The following ZC3H11A variants were observed in gnomAD, a reference collection of about 807,000 sequenced individuals.
ZC3H11A encodes the protein zinc finger CCCH-type containing 11A.
ZC3H11A carries 22 observed loss-of-function variants against 90.8 expected under a neutral mutation model. The observed-to-expected ratio is 0.24, with a 90% confidence interval of 0.17 to 0.35. The LOEUF (loss-of-function observed/expected upper bound fraction) is 0.35. Ranked by LOEUF, ZC3H11A falls within the 10% of genes least tolerant of loss-of-function variation. The pLI, the probability that ZC3H11A is intolerant of heterozygous loss-of-function variation, is 1.00. For synonymous variants in ZC3H11A, 294 were observed against 339.8 expected, an observed-to-expected ratio of 0.87 and a Z score of 1.48; for missense variants, 701 against 964.9, an observed-to-expected ratio of 0.73 and a Z score of 3.62.
chr1:203,825,943 G>A (rs2102958095), intron 4 of ZC3H11A, among the ~76,000 whole-genome samples: 1 of 152,232 alleles, frequency 6.6e-6, no homozygotes, highest in African/African-American at 2.4e-5. Flanking sequence ...TCTAGCAAAT[G>A]TATTAAACAG....
intron 4 of ZC3H11A, 21 bp from the exon 5 acceptor site, chr1:203,828,278 A>G (rs1681214979): frequency 2.5e-6 from 4 of 1,613,828 alleles, no homozygotes; most frequent in African/African-American, 2.7e-5. Flanking sequence ...TTTGAAAGCA[A>G]TGTGTTTTTC....
intron 14 of ZC3H11A, among the ~76,000 whole-genome samples, chr1:203,849,441 G>T (rs191052727): frequency 3.9e-5 from 6 of 152,254 alleles, no homozygotes; most frequent in Non-Finnish European, 7.4e-5. Flanking sequence ...CTTTGTGCAG[G>T]TATTTGATTA....
At chr1:203,835,484 A>G (rs1684011413) in intron 10 of ZC3H11A, 1 of 156,352 alleles carries the variant, frequency 6.4e-6, no homozygotes, top group Non-Finnish European at 1.4e-5. Flanking sequence ...AAATCAAGAA[A>G]CAATAACAGT....
intron 1 of ZC3H11A, 25 bp downstream of exon 1, chr1:203,795,819 C>T (rs1558083333): frequency 6.6e-6 from 1 of 151,994 alleles, no homozygotes; most frequent in South Asian, 2.1e-4. Flanking sequence ...TTTTTTGATT[C>T]CCGGGTGGCT....
At chr1:203,825,548 T>A (rs901766231) in intron 4 of ZC3H11A, among the ~76,000 whole-genome samples, 2 of 151,086 alleles carry the variant, frequency 1.3e-5, no homozygotes, top group Admixed American at 6.6e-5. Flanking sequence ...GATTCTCCTG[T>A]CTCAGCCTCC....
In ZC3H11A at chr1:203,800,620, A is replaced by G; in HGVS notation, c.-1587-955A>G. On this transcript the variant is annotated intron_variant, in intron 1 of 17. Coordinates refer to ENST00000367210, the MANE Select transcript of ZC3H11A (RefSeq NM_001376342.1). ...TCCTCAGAGGCAATATAATTTTGAT[A>G]AAATGAAGATTAAAGATTTCATAGC... 3 of 632,964 alleles carry G rather than the reference A, an allele frequency of 4.7e-6. No homozygotes were observed. The South Asian group carries it at 1.0e-4, about 22-fold the overall frequency. The allele number at this position is 632,964 out of a possible 1,614,324, so 39.2% of individuals were successfully genotyped here.
chr1:203,834,105 A>G (rs1368927902), intron 10 of ZC3H11A: 1 of 1,157,978 alleles, frequency 8.6e-7, no homozygotes, highest in African/African-American at 1.6e-5. Context: ...TAAAAATGGT[A>G]AAGAACACCT....
At chr1:203,796,330 A>G (rs1334624276) in intron 1 of ZC3H11A, 5 of 398,160 alleles carry the variant, frequency 1.3e-5, no homozygotes, top group Non-Finnish European at 1.8e-5. Context: ...AACTCCACAT[A>G]CAGAAAGCCA....
chr1:203,821,017 T>TA (rs369127141), intron 4 of ZC3H11A, among the ~76,000 whole-genome samples: 2 of 152,236 alleles, frequency 1.3e-5, no homozygotes, highest in Admixed American at 6.5e-5. Flanking sequence ...CTTGTGGTGA[T>TA]ACGTTTGGCT....
At chr1:203,797,923 T>C in intron 1 of ZC3H11A, 1 of 1,536,004 alleles carries the variant, frequency 6.5e-7, no homozygotes, top group South Asian at 1.2e-5. Flanking sequence ...AAGACCTCCA[T>C]TGTGTGGCAC....
intron 1 of ZC3H11A, chr1:203,801,057 A>G (rs1026758689): frequency 6.6e-6 from 1 of 152,354 alleles, no homozygotes; most frequent in Middle Eastern, 3.4e-3. Context: ...GGGAAATATT[A>G]GAAAACAATT....
chr1:203,851,422 C>T (rs1159058956), intron 17 of ZC3H11A, among the ~76,000 whole-genome samples: 3 of 152,152 alleles, frequency 2.0e-5, no homozygotes, highest in East Asian at 1.9e-4. Flanking sequence ...CTCCACTTCC[C>T]GGGTTCAAGC....
In ZC3H11A at chr1:203,820,583, T is replaced by C. The variant is rs546163274; in HGVS notation, c.174+1894T>C. ...ACCTCTGCCTCCTGAGTTCATGTGA[T>C]TCTTGTGCCTCAACCTCTCGAGTAG... On this transcript the variant is annotated intron_variant, in intron 4 of 17. Coordinates refer to ENST00000367210, the MANE Select transcript of ZC3H11A (RefSeq NM_001376342.1). 2.6e-5 allele frequency among the ~76,000 whole-genome samples: 4 copies of C among 151,814 alleles called. No homozygotes were observed. In the South Asian group the frequency reaches 8.4e-4, roughly 32 times the overall value.
intron 4 of ZC3H11A, among the ~76,000 whole-genome samples, chr1:203,821,236 G>A (rs1473625984): frequency 3.3e-5 from 5 of 152,022 alleles, no homozygotes; most frequent in Admixed American, 6.6e-5. Context: ...TGTGTCTTGC[G>A]TCCTGTTCAC....
At chr1:203,851,760 C>G (rs185169530) in intron 17 of ZC3H11A, among the ~76,000 whole-genome samples, 21 of 151,920 alleles carry the variant, frequency 1.4e-4, no homozygotes, top group Admixed American at 1.3e-3. Flanking sequence ...CTCAGGAGTT[C>G]AAGACCAGCC....
intron 2 of ZC3H11A, among the ~76,000 whole-genome samples, chr1:203,807,826 C>T (rs902410774): frequency 5.3e-5 from 8 of 152,074 alleles, no homozygotes; most frequent in African/African-American, 1.7e-4. Context: ...ACTGCAGCCT[C>T]GACCTCTTGG....
chr1:203,849,764 T>G lies in ZC3H11A; in HGVS notation c.1677T>G (p.Cys559Trp), dbSNP rs1436852640. ...TCACTAAAATTCAAGTCAAGAGATG[T>G]GAGACCATGAGAGAGAAGCACATGC... ...VDITKIQVKR[C>W]ETMREKHMQK... The change falls in exon 15 of 18, where the codon TGT becomes TGG. Residue 559 changes from cysteine (C) to tryptophan (W), a missense_variant. Around this residue, in one of 4 missense-constraint regions of ZC3H11A, gnomAD observed 530 missense variants for 696.2 expected, o/e 0.76. Coordinates refer to ENST00000367210, the MANE Select transcript of ZC3H11A (RefSeq NM_001376342.1). 27 of 1,613,802 alleles carry G rather than the reference T, an allele frequency of 1.7e-5. No homozygotes were observed. The highest frequency in any genetic ancestry group is 2.3e-5 in the Non-Finnish European group (27 of 1,179,866).
chr1:203,850,003 A>C lies in ZC3H11A; in HGVS notation c.1916A>C (p.Gln639Pro). ...DSLLNVKCAA[Q>P]TLEKRGKAKP... ...TTATTGAATGTGAAATGTGCAGCACAGACCTTGGAAAAAAGGGGTAAAGGC... is the reference window on the plus strand; with the variant it reads ...TTATTGAATGTGAAATGTGCAGCACCGACCTTGGAAAAAAGGGGTAAAGGC... The change falls in exon 15 of 18, where the codon CAG (glutamine) becomes CCG (proline). Residue 639 changes from glutamine to proline, a missense_variant. Around this residue, in one of 4 missense-constraint regions of ZC3H11A, gnomAD observed 530 missense variants for 696.2 expected, o/e 0.76. Coordinates refer to ENST00000367210, the MANE Select transcript of ZC3H11A (RefSeq NM_001376342.1). The C allele has an allele frequency of 6.2e-7, 1 of 1,614,034 alleles. No homozygotes were observed. Among genetic ancestry groups the C allele is most frequent in the Admixed American group, 1.7e-5 (1 of 60,006 alleles).
chr1:203,819,089 T>TAC (rs200302232), intron 4 of ZC3H11A, among the ~76,000 whole-genome samples: 32,604 of 140,390 alleles, frequency 0.23, 4,027 homozygotes, highest in Non-Finnish European at 0.29. Flanking sequence ...TATATATATA[T>TAC]ACACACACAC....
Sources: allele counts gnomAD v4.1 joint callset (sites outside exome capture counted in the v4.1 genomes callset), GRCh38; gene constraint gnomAD v4.1.1; regional missense constraint gnomAD v4.1.1; transcripts MANE v1.5; gene names NCBI Gene and HGNC (gene_info 2026-07-23, HGNC 2026-07-21).